CALY: variants seen among roughly 807,000 people sequenced by gnomAD.
CALY encodes the protein neuron-specific vesicular protein calcyon.
CALY carries 15 observed loss-of-function variants against 20.2 expected under a neutral mutation model. The observed-to-expected ratio is 0.74, with a 90% CI of 0.50 to 1.14. CALY has a LOEUF of 1.14. Among genes scored for constraint, CALY ranks in the 50% most tolerant of loss-of-function variants. The pLI, the probability that CALY is intolerant of heterozygous loss-of-function variation, is 0.00. For synonymous variants in CALY, 129 were observed against 131.8 expected (o/e 0.98, Z 0.15); for missense variants, 270 against 304.4 (o/e 0.89, Z 0.84).
intron 1 of CALY, among the ~76,000 whole-genome samples, chr10:133,332,888 G>A (rs1848333896): frequency 6.6e-6 from 1 of 152,174 alleles, no homozygotes. Flanking sequence ...GAAGCTGGAG[G>A]AAGCAAGGAA....
In CALY at chr10:133,325,814, G is replaced by C; in HGVS notation, c.*13C>G. The stretch of plus-strand genomic sequence containing the variant: ...GCGCACCTACCCCGGGCCGGGCTGC[G>C]GGGCTGGAGACGTCACTGCGCGGGC... On this transcript the variant is annotated 3_prime_UTR_variant, in exon 5 of 6. Transcript: ENST00000252939. 5 of 1,198,394 alleles carry C rather than the reference G, an allele frequency of 4.2e-6. No homozygotes were observed. The highest frequency in any genetic ancestry group is 5.2e-6 in the Non-Finnish European group (5 of 964,878). The allele number at this position is 1,198,394 out of a possible 1,614,324, so 74.2% of individuals were successfully genotyped here. A position where few individuals can be genotyped will look rare whatever the true frequency, so the allele number is the denominator to read the frequency against.
chr10:133,335,977 C>T (rs917779528), intron 1 of CALY, among the ~76,000 whole-genome samples: 3 of 152,258 alleles, frequency 2.0e-5, no homozygotes, highest in African/African-American at 7.2e-5. Flanking sequence ...CTGGAGGTCA[C>T]GTCACAGACT....
In CALY at chr10:133,327,306, G is replaced by A. The variant is rs1314614077; in HGVS notation, c.247-315C>T. On this transcript the variant is annotated intron_variant, in intron 3 of 5. Transcript: ENST00000252939. The stretch of plus-strand genomic sequence containing the variant: ...GTTTTCCTGCGGTGTGGGCTCCCAG[G>A]GGATGGGGCCGCAGCCTCAGGGGAG... The A allele has an allele frequency of 2.6e-5, 13 of 501,386 alleles. No homozygotes were observed. The South Asian group carries it at 3.1e-4, about 12-fold the overall frequency. The allele number at this position is 501,386 out of a possible 1,614,324, so 31.1% of individuals were successfully genotyped here.
intron 2 of CALY, among the ~76,000 whole-genome samples, chr10:133,328,324 G>A (rs1188730228): frequency 6.6e-6 from 1 of 152,190 alleles, no homozygotes; most frequent in East Asian, 1.9e-4. Flanking sequence ...GCCAGCAGGG[G>A]TGGTCCTCCT....
At chr10:133,326,781 T>A in intron 4 of CALY, 97 bp downstream of exon 4, 1 of 728,966 alleles carries the variant, frequency 1.4e-6, no homozygotes, top group Non-Finnish European at 2.5e-6. Context: ...GAGACCACGT[T>A]CCCCCAGCAG....
At chr10:133,328,737 C>G in intron 2 of CALY, 118 bp downstream of exon 2, 1 of 1,160,714 alleles carries the variant, frequency 8.6e-7, no homozygotes, top group South Asian at 1.7e-5. Flanking sequence ...CCCCATGGCC[C>G]TTCATCTGTT....
intron 1 of CALY, among the ~76,000 whole-genome samples, chr10:133,335,105 G>T (rs926762605): frequency 6.6e-6 from 1 of 151,158 alleles, no homozygotes; most frequent in Admixed American, 6.5e-5. Context: ...GCGGAGGGCC[G>T]AGAGGCCGGG....
At chr10:133,330,854 C>G (rs1300667805) in intron 1 of CALY, among the ~76,000 whole-genome samples, 1 of 151,706 alleles carries the variant, frequency 6.6e-6, no homozygotes, top group Non-Finnish European at 1.5e-5. Context: ...CCAGCAAGGA[C>G]AGCAGCGGAG....
At chr10:133,336,125 C>G (rs1848438123) in intron 1 of CALY, among the ~76,000 whole-genome samples, 1 of 152,120 alleles carries the variant, frequency 6.6e-6, no homozygotes, top group African/African-American at 2.4e-5. Context: ...CGGGCGCCAC[C>G]GCAGCCTCCC....
rs954868092 is a variant in CALY at position 133,324,668 on chromosome 10, G to A, written c.*927C>T. The A allele has an allele frequency of 8.3e-6, 3 of 360,224 alleles. No homozygotes were observed. Among genetic ancestry groups the A allele is most frequent in the African/African-American group, 2.2e-5 (1 of 45,574 alleles). The allele number at this position is 360,224 out of a possible 1,614,324, so 22.3% of individuals were successfully genotyped here. ...GGCTGCAGAGCTGCTGCTGGCTGGG[G>A]TGGTGCAGGTGGTGGGTGAGATCTG... is the stretch of plus-strand genomic sequence containing the variant. On this transcript the variant is annotated 3_prime_UTR_variant, in exon 6 of 6. Coordinates refer to ENST00000252939, the MANE Select transcript of CALY (RefSeq NM_015722.4).
chr10:133,325,950 C>T lies in CALY; in HGVS notation c.531G>A (p.Lys177=), dbSNP rs899231069. Reference sequence around the variant, plus strand: ...CCGCCGCCCCAGCCTGGGTGGGCCCCTTGCGCTCCTCCTTGGCTGCGCGGT... The same window carrying T: ...CCGCCGCCCCAGCCTGGGTGGGCCCTTTGCGCTCCTCCTTGGCTGCGCGGT... ...DGYRAAKEER[K]GPTQAGAAAA... Residue 177 remains lysine, a synonymous_variant, in exon 5 of 6, where the codon AAG becomes AAA. Transcript: ENST00000252939. 4.0e-6 allele frequency: 6 copies of T among 1,487,968 alleles called. No homozygotes were observed. The highest frequency in any genetic ancestry group is 5.4e-6 in the Non-Finnish European group (6 of 1,112,944). The allele number at this position is 1,487,968 out of a possible 1,614,324, so 92.2% of individuals were successfully genotyped here.
In CALY at chr10:133,328,520, C is replaced by G. The variant is rs74164147; in HGVS notation, c.135+335G>C. On this transcript the variant is annotated intron_variant, in intron 2 of 5. Coordinates refer to ENST00000252939, the MANE Select transcript of CALY (RefSeq NM_015722.4). ...TGCCCAAGGACCCCCAGATCTCAGG[C>G]TAAACCCAGGACAGGGCCATGCCCC... 7.0e-3 allele frequency among the ~76,000 whole-genome samples: 1,072 copies of G among 152,354 alleles called. 21 individuals carry two copies. The highest frequency in any genetic ancestry group is 0.025 in the African/African-American group (1,024 of 41,588).
At position 133,324,749 on chromosome 10, in the gene CALY, G is replaced by A. The variant is rs1475988781; in HGVS notation, c.*846C>T. The A allele has an allele frequency of 5.4e-6, 1 of 185,562 alleles. No homozygotes were observed. The highest frequency in any genetic ancestry group is 1.1e-5 in the Non-Finnish European group (1 of 91,418). The allele number at this position is 185,562 out of a possible 1,614,324, so 11.5% of individuals were successfully genotyped here. A position where few individuals can be genotyped will look rare whatever the true frequency, so the allele number is the denominator to read the frequency against. ...CCGGGAGTTGGCTGGGGCTGGGGTGGGGATGCTGGGGCTGGGGTGGGGATG... is the reference window on the plus strand; with the variant it reads ...CCGGGAGTTGGCTGGGGCTGGGGTGAGGATGCTGGGGCTGGGGTGGGGATG... On this transcript the variant is annotated 3_prime_UTR_variant, in exon 6 of 6. Coordinates refer to ENST00000252939, the MANE Select transcript of CALY (RefSeq NM_015722.4).
In CALY at chr10:133,329,014, C is replaced by T. The variant is rs1304509934; in HGVS notation, c.-20-5G>A. 1 of 1,535,446 alleles carries T rather than the reference C, an allele frequency of 6.5e-7. No homozygotes were observed. Among genetic ancestry groups the T allele is most frequent in the South Asian group, 1.2e-5 (1 of 83,152 alleles). ...TGGTGGATGGCAGTCCTTGTCCTGT[C>T]CAAAGACAGACAGAGTCACTGCCCA... On this transcript the variant is annotated splice_region_variant and splice_polypyrimidine_tract_variant and intron_variant, in intron 1 of 5. Transcript: ENST00000252939.
rs199776178 is a variant in CALY at position 133,329,036 on chromosome 10, C to G, written c.-20-27G>C. The G allele has an allele frequency of 5.3e-6, 8 of 1,502,024 alleles. No individual in the cohort carries two copies. In the Admixed American group the frequency reaches 1.7e-4, roughly 31 times the overall value. 93.0% of individuals were successfully genotyped at this position (1,502,024 alleles called of 1,614,324 possible). A position where few individuals can be genotyped will look rare whatever the true frequency, so the allele number is the denominator to read the frequency against. Reference sequence around the variant, plus strand: ...TGTCCAAAGACAGACAGAGTCACTGCCCACAGGCTGCCCCCTGGATGCCCA... The same window carrying G: ...TGTCCAAAGACAGACAGAGTCACTGGCCACAGGCTGCCCCCTGGATGCCCA... On this transcript the variant is annotated intron_variant, in intron 1 of 5. Transcript: ENST00000252939.
Position 133,326,085 on chromosome 10 carries a change from G to C in CALY, c.396C>G (p.Tyr132Ter). The change falls in exon 5 of 6, where the codon TAC (tyrosine) becomes TAG (stop). Residue 132 changes from tyrosine (Y) to a stop codon, truncating the protein, a stop_gained. Coordinates refer to ENST00000252939, the MANE Select transcript of CALY (RefSeq NM_015722.4). LOFTEE classifies it high-confidence loss of function. ...GGCGCTCGGGGTCCATCTCCGTGTA[G>C]TACATCTCCAGGGTCAGCGGCGTGC... ...KICTPLTLEMYYTEMDPERHR... is the reference protein window; with the variant it reads ...KICTPLTLEM 1.2e-6 allele frequency: 2 copies of C among 1,600,622 alleles called. No homozygotes were observed. The highest frequency in any genetic ancestry group is 1.1e-5 in the South Asian group (1 of 89,990).
intron 3 of CALY, 88 bp downstream of exon 3, chr10:133,327,817 G>T: frequency 1.2e-6 from 1 of 858,706 alleles, no homozygotes; most frequent in Non-Finnish European, 1.9e-6. Context: ...CCCCAGACTG[G>T]CCTGGACGGA....
rs538696759 is a variant in CALY, at chr10:133,333,287, G to T, written c.-21+3547C>A. On this transcript the variant is annotated intron_variant, in intron 1 of 5. Transcript: ENST00000252939. ...GAAGGATCCGAGGGAGAAGGATTGA[G>T]GGGGTGGGGGGGGGGGAAGGATCCG... Among the ~76,000 whole-genome samples, 325 of 36,782 alleles carry T rather than the reference G, an allele frequency of 8.8e-3. 4 individuals carry two copies. Among genetic ancestry groups the T allele is most frequent in the African/African-American group, 0.029 (310 of 10,742 alleles). The allele number at this position is 36,782 out of a possible 152,430, so 24.1% of individuals were successfully genotyped here.
In CALY at chr10:133,325,858, G is replaced by C; in HGVS notation, c.623C>G (p.Ala208Gly). Residue 208 changes from alanine (A) to glycine (G), a missense_variant, in exon 5 of 6, where the codon GCC (alanine) becomes GGC (glycine). Transcript: ENST00000252939. ...CGCGGGCGGGGGCGCCGCGCTCCCG[G>C]CCGCCTTCCGCGCCGCCTCCTTCTC... ...KAEKEAARKA[A>G]GSAAPPPAQ 1 of 1,239,248 alleles carries C rather than the reference G, an allele frequency of 8.1e-7. No individual in the cohort carries two copies. The highest frequency in any genetic ancestry group is 1.6e-5 in the African/African-American group (1 of 64,054). The allele number at this position is 1,239,248 out of a possible 1,614,324, so 76.8% of individuals were successfully genotyped here.
Sources: gnomAD v4.1 joint callset for allele counts (sites outside exome capture counted in the v4.1 genomes callset) on GRCh38, gnomAD v4.1.1 for gene constraint, MANE v1.5 for transcripts, NCBI Gene and HGNC (gene_info 2026-07-23, HGNC 2026-07-21) for gene names.